The following ASIC2 variants were observed in gnomAD, a reference collection of about 807,000 sequenced individuals.
ASIC2 encodes the protein acid sensing ion channel subunit 2, also known as acid-sensing ion channel 2.
ASIC2 carries 25 observed loss-of-function variants against 57.3 expected under a neutral mutation model. The ratio of observed to expected loss-of-function variants is 0.44; its 90% confidence interval spans 0.32 to 0.61. The LOEUF (loss-of-function observed/expected upper bound fraction) is 0.61. Among genes scored for constraint, ASIC2 ranks in the 20% least tolerant of loss-of-function variants. The pLI, the probability that ASIC2 is intolerant of heterozygous loss-of-function variation, is 0.06. For missense variants in ASIC2, 641 were observed against 738.1 expected (o/e 0.87, Z 1.52); for synonymous variants, 319 against 307.5 (o/e 1.04, Z -0.39).
At chr17:33,932,028 C>A (rs1915942422) in intron 1 of ASIC2, among the ~76,000 whole-genome samples, 1 of 152,128 alleles carries the variant, frequency 6.6e-6, no homozygotes, top group African/African-American at 2.4e-5. Context: ...AATTTATATC[C>A]TCTCTGCTTC....
intron 1 of ASIC2, among the ~76,000 whole-genome samples, chr17:33,395,208 C>G (rs376647698): frequency 6.8e-6 from 1 of 147,206 alleles, no homozygotes; most frequent in Non-Finnish European, 1.5e-5. Flanking sequence ...ATTCATCCAT[C>G]CATCCGTCCA....
intron 1 of ASIC2, among the ~76,000 whole-genome samples, chr17:33,214,894 A>G (rs930358702): frequency 6.6e-6 from 1 of 152,234 alleles, no homozygotes; most frequent in Non-Finnish European, 1.5e-5. Flanking sequence ...TTCTAATTGC[A>G]CAGACCAGAG....
intron 1 of ASIC2, among the ~76,000 whole-genome samples, chr17:33,320,580 T>C (rs1399419530): frequency 6.6e-6 from 1 of 152,170 alleles, no homozygotes; most frequent in African/African-American, 2.4e-5. Context: ...TTTGAGGGTT[T>C]TGTTGTTATT....
chr17:33,147,072 G>A (rs984293828), intron 1 of ASIC2, among the ~76,000 whole-genome samples: 24 of 152,184 alleles, frequency 1.6e-4, no homozygotes, highest in Admixed American at 1.2e-3. Context: ...CACATCTGAA[G>A]TAAGAACTTA....
At chr17:33,164,989 A>G (rs1905266301) in intron 1 of ASIC2, among the ~76,000 whole-genome samples, 1 of 152,078 alleles carries the variant, frequency 6.6e-6, no homozygotes, top group South Asian at 2.1e-4. Context: ...CTTAGCGTGT[A>G]CATCTTGGTT....
At chr17:33,244,615 C>T (rs1020973644) in intron 1 of ASIC2, among the ~76,000 whole-genome samples, 1 of 152,210 alleles carries the variant, frequency 6.6e-6, no homozygotes, top group Non-Finnish European at 1.5e-5. Context: ...AATCTATGCT[C>T]CCACTCAGCA....
intron 8 of ASIC2, among the ~76,000 whole-genome samples, chr17:33,017,230 G>C (rs2091811288): frequency 1.3e-5 from 2 of 152,274 alleles, no homozygotes; most frequent in Admixed American, 6.5e-5. Context: ...GTGTGTGCAG[G>C]TGTGGACATG....
intron 1 of ASIC2, among the ~76,000 whole-genome samples, chr17:33,525,571 T>C (rs1914863573): frequency 6.6e-6 from 1 of 152,192 alleles, no homozygotes; most frequent in South Asian, 2.1e-4. Flanking sequence ...TTGTTATCCC[T>C]CACTTTATCT....
At chr17:33,922,564 GT>G (rs1340166395) in intron 1 of ASIC2, among the ~76,000 whole-genome samples, 1 of 152,186 alleles carries the variant, frequency 6.6e-6, no homozygotes, top group African/African-American at 2.4e-5. Flanking sequence ...ACATGGATAT[GT>G]TGATGAATCA....
intron 1 of ASIC2, among the ~76,000 whole-genome samples, chr17:34,079,665 T>A (rs918522412): frequency 6.6e-6 from 1 of 152,212 alleles, no homozygotes; most frequent in African/African-American, 2.4e-5. Context: ...AAATAGGTGA[T>A]TTAAATGTCA....
intron 3 of ASIC2, among the ~76,000 whole-genome samples, chr17:33,073,588 G>A (rs1269152471): frequency 6.6e-6 from 1 of 152,188 alleles, no homozygotes; most frequent in East Asian, 1.9e-4. Flanking sequence ...CCATCACAAT[G>A]GGGATCCCGA....
chr17:33,930,180 C>T (rs1198799397), intron 1 of ASIC2, among the ~76,000 whole-genome samples: 5 of 152,308 alleles, frequency 3.3e-5, no homozygotes, highest in South Asian at 4.1e-4. Flanking sequence ...CGTCTTTATC[C>T]GCAAAGCAGG....
At chr17:33,532,709 A>G (rs1915089827) in intron 1 of ASIC2, among the ~76,000 whole-genome samples, 1 of 152,204 alleles carries the variant, frequency 6.6e-6, no homozygotes, top group Admixed American at 6.5e-5. Flanking sequence ...GACCTGCATC[A>G]TCTTTTCACG....
At chr17:33,577,198 G>A (rs189525817) in intron 1 of ASIC2, among the ~76,000 whole-genome samples, 262 of 152,258 alleles carry the variant, frequency 1.7e-3, no homozygotes, top group Non-Finnish European at 3.4e-3. Flanking sequence ...CAGTATCCCA[G>A]GGAAGCCTCC....
intron 1 of ASIC2, among the ~76,000 whole-genome samples, chr17:34,015,711 G>T (rs143760405): frequency 6.6e-6 from 1 of 152,194 alleles, no homozygotes; most frequent in South Asian, 2.1e-4. Flanking sequence ...TATTCCTTTC[G>T]TAATAAGATT....
chr17:34,095,109 T>A (rs139048177), intron 1 of ASIC2, among the ~76,000 whole-genome samples: 6 of 152,332 alleles, frequency 3.9e-5, no homozygotes, highest in Non-Finnish European at 7.3e-5. Context: ...AACAGGATGA[T>A]CTCTTGAGTT....
chr17:33,837,212 G>A (rs530188705), intron 1 of ASIC2, among the ~76,000 whole-genome samples: 5 of 152,198 alleles, frequency 3.3e-5, no homozygotes, highest in Admixed American at 6.5e-5. Context: ...AAGGGCTGCT[G>A]CCCAGATCCC....
intron 1 of ASIC2, among the ~76,000 whole-genome samples, chr17:33,394,931 A>T (rs746634339): frequency 6.6e-6 from 1 of 151,840 alleles, no homozygotes; most frequent in Admixed American, 6.6e-5. Context: ...ACACCCACTC[A>T]TTCATTCACC....
intron 3 of ASIC2, among the ~76,000 whole-genome samples, chr17:33,037,711 A>G (rs1300782970): frequency 6.6e-6 from 1 of 152,226 alleles, no homozygotes; most frequent in Non-Finnish European, 1.5e-5. Context: ...AATAGTTGTA[A>G]TACGGAACGT....
Sources: allele counts gnomAD v4.1 joint callset (sites outside exome capture counted in the v4.1 genomes callset), GRCh38; gene constraint gnomAD v4.1.1; transcripts MANE v1.5; gene names NCBI Gene and HGNC (gene_info 2026-07-23, HGNC 2026-07-21).